The following ARHGAP31 variants were observed in gnomAD, a reference collection of about 807,000 sequenced individuals.
ARHGAP31 encodes Rho GTPase activating protein 31.
Under a neutral mutation model 113.9 loss-of-function variants are expected in ARHGAP31, and 34 were observed. That is an observed-to-expected ratio of 0.30 (90% CI 0.23 to 0.40). The LOEUF (loss-of-function observed/expected upper bound fraction) is 0.40, where lower values mean the gene tolerates loss of function less well. Among genes scored for constraint, ARHGAP31 ranks in the 10% least tolerant of loss-of-function variants. The probability of loss-of-function intolerance (pLI) is 1.00; values close to 1 mark genes in which losing one functional copy is unlikely to be tolerated. For synonymous variants in ARHGAP31, 650 were observed against 684.8 expected (o/e 0.95, Z 0.79); for missense variants, 1,548 against 1,767.1 (o/e 0.88, Z 2.22).
intron 1 of ARHGAP31, among the ~76,000 whole-genome samples, chr3:119,316,208 CCTGT>C (rs1206996924): frequency 3.3e-5 from 5 of 152,186 alleles, no homozygotes; most frequent in Non-Finnish European, 7.4e-5. Flanking sequence ...GATCATAATA[CCTGT>C]CTAACTTGTC....
chr3:119,318,126 T>C (rs1158195798), intron 1 of ARHGAP31, among the ~76,000 whole-genome samples: 1 of 151,842 alleles, frequency 6.6e-6, no homozygotes, highest in Non-Finnish European at 1.5e-5. Flanking sequence ...TTTCATTAGC[T>C]GGGCATGGTG....
chr3:119,347,902 T>G (rs573431901), intron 1 of ARHGAP31, among the ~76,000 whole-genome samples: 1 of 152,348 alleles, frequency 6.6e-6, no homozygotes, highest in Non-Finnish European at 1.5e-5. Flanking sequence ...TGTTTGATAT[T>G]CAGATTCTCT....
intron 1 of ARHGAP31, among the ~76,000 whole-genome samples, chr3:119,358,693 C>T (rs1251437357): frequency 6.6e-6 from 1 of 152,162 alleles, no homozygotes; most frequent in African/African-American, 2.4e-5. Context: ...CATGCTACAA[C>T]ATGGACGGAC....
intron 1 of ARHGAP31, among the ~76,000 whole-genome samples, chr3:119,342,872 C>A (rs1375495522): frequency 6.6e-6 from 1 of 151,904 alleles, no homozygotes; most frequent in Non-Finnish European, 1.5e-5. Context: ...TCGCTTGAAC[C>A]CAGGATGTGG....
At chr3:119,320,580 C>G (rs1040475627) in intron 1 of ARHGAP31, among the ~76,000 whole-genome samples, 1 of 152,220 alleles carries the variant, frequency 6.6e-6, no homozygotes, top group African/African-American at 2.4e-5. Flanking sequence ...CCATTACTCC[C>G]TTACCTCCTA....
At chr3:119,325,674 G>T (rs1009912144) in intron 1 of ARHGAP31, among the ~76,000 whole-genome samples, 3 of 144,680 alleles carry the variant, frequency 2.1e-5, no homozygotes, top group Non-Finnish European at 3.1e-5. Flanking sequence ...GGAAGGGGGG[G>T]ACGGAAATGA....
chr3:119,378,695 C>A (rs1274982618), intron 3 of ARHGAP31, among the ~76,000 whole-genome samples: 1 of 152,128 alleles, frequency 6.6e-6, no homozygotes, highest in African/African-American at 2.4e-5. Context: ...CGGGGCTTCT[C>A]TCCCTTGGCT....
At chr3:119,321,236 C>T (rs1247241343) in intron 1 of ARHGAP31, among the ~76,000 whole-genome samples, 5 of 136,074 alleles carry the variant, frequency 3.7e-5, no homozygotes, top group African/African-American at 5.1e-5. Context: ...CACCCAGGCC[C>T]GGTGATTTCC....
chr3:119,410,813 T>A (rs898770252), intron 11 of ARHGAP31, among the ~76,000 whole-genome samples: 1 of 152,220 alleles, frequency 6.6e-6, no homozygotes, highest in Non-Finnish European at 1.5e-5. Context: ...GCTTTAACCA[T>A]CCCTGCCTTC....
chr3:119,414,501 G>A lies in ARHGAP31; in HGVS notation c.2572G>A (p.Gly858Ser), dbSNP rs1310297007. Residue 858 changes from glycine (G) to serine (S), a missense_variant, in exon 12 of 12, where the codon GGC becomes AGC. Coordinates refer to ENST00000264245, the MANE Select transcript of ARHGAP31 (RefSeq NM_020754.4). ...AAAGAATGCTGCTTCTGAGGGGAAA[G>A]GCTGTGGTTTTCCAAGCCCAACCAG... ...NSKNAASEGKGCGFPSPTREV... is the reference protein window; with the variant it reads ...NSKNAASEGKSCGFPSPTREV... 2 of 1,614,252 alleles carry A rather than the reference G, an allele frequency of 1.2e-6. No homozygotes were observed. Among genetic ancestry groups the A allele is most frequent in the Non-Finnish European group, 1.7e-6 (2 of 1,180,052 alleles).
Position 119,327,950 on chromosome 3 carries a change from G to A in ARHGAP31, c.100+32946G>A, listed in dbSNP as rs1418603402. Among the ~76,000 whole-genome samples, 6 of 152,290 alleles carry A rather than the reference G, an allele frequency of 3.9e-5. No homozygotes were observed. The South Asian group carries it at 1.0e-3, about 26-fold the overall frequency. ...ATCTTGCTACTGTTTAATTTTAGAA[G>A]AGACACTTAAAGCACTATTTGGTCA... On this transcript the variant is annotated intron_variant, in intron 1 of 11. Transcript: ENST00000264245.
intron 1 of ARHGAP31, chr3:119,325,071 T>A: frequency 2.5e-6 from 1 of 400,888 alleles, no homozygotes; most frequent in Non-Finnish European, 5.1e-6. Flanking sequence ...TCAGTGTGTT[T>A]GGTGCTAATT....
At chr3:119,383,337 C>A in intron 6 of ARHGAP31, 111 bp downstream of exon 6, 2 of 1,379,242 alleles carry the variant, frequency 1.5e-6, no homozygotes, top group Non-Finnish European at 2.1e-6. Context: ...TGAGTGTTGG[C>A]TGTGTGTATG....
intron 1 of ARHGAP31, among the ~76,000 whole-genome samples, chr3:119,319,860 C>T (rs1421113472): frequency 6.6e-6 from 1 of 152,084 alleles, no homozygotes; most frequent in African/African-American, 2.4e-5. Flanking sequence ...CCCAGTAAAA[C>T]GTGTACAGCT....
chr3:119,366,410 C>CA (rs1237829600), intron 2 of ARHGAP31, among the ~76,000 whole-genome samples: 3 of 150,728 alleles, frequency 2.0e-5, no homozygotes, highest in Non-Finnish European at 4.4e-5. Context: ...TAAATTATAC[C>CA]AAAAAAATAG....
intron 1 of ARHGAP31, among the ~76,000 whole-genome samples, chr3:119,299,233 A>C (rs1236382637): frequency 6.6e-6 from 1 of 152,210 alleles, no homozygotes; most frequent in East Asian, 1.9e-4. Context: ...GAACATGTGG[A>C]TACTTAGGCA....
Position 119,325,010 on chromosome 3 carries a change from T to C in ARHGAP31, c.100+30006T>C, listed in dbSNP as rs148837987. 189 of 455,796 alleles carry C rather than the reference T, an allele frequency of 4.1e-4. 5 individuals are homozygous for C. In the East Asian group the frequency reaches 0.012, roughly 29 times the overall value. 28.2% of individuals were successfully genotyped at this position (455,796 alleles called of 1,614,324 possible). On this transcript the variant is annotated intron_variant, in intron 1 of 11. Coordinates refer to ENST00000264245, the MANE Select transcript of ARHGAP31 (RefSeq NM_020754.4). ...TCAATAGTGGCATAGTGTGGACTTA[T>C]ATGATGCCGTCTTAAATTAGGCCTC...
intron 3 of ARHGAP31, among the ~76,000 whole-genome samples, chr3:119,380,173 G>A (rs1196393730): frequency 3.3e-5 from 5 of 152,164 alleles, no homozygotes; most frequent in African/African-American, 4.8e-5. Flanking sequence ...CCAGGTTTCA[G>A]GGACAACGCT....
chr3:119,337,490 T>C (rs1334042413), intron 1 of ARHGAP31, among the ~76,000 whole-genome samples: 2 of 152,156 alleles, frequency 1.3e-5, no homozygotes, highest in East Asian at 1.9e-4. Context: ...GAACAAAGCT[T>C]CCACAATACT....
Sources: gnomAD v4.1 joint callset for allele counts (sites outside exome capture counted in the v4.1 genomes callset) on GRCh38, gnomAD v4.1.1 for gene constraint, MANE v1.5 for transcripts, NCBI Gene and HGNC (gene_info 2026-07-23, HGNC 2026-07-21) for gene names.